The following NEBL variants were observed in gnomAD, a reference collection of about 807,000 sequenced individuals.
NEBL encodes the protein nebulette, also known as LIM and SH3 protein 2.
A neutral mutation model predicts 140.2 loss-of-function variants in NEBL; 122 were observed. The observed-to-expected ratio is 0.87, with a 90% CI of 0.75 to 1.01. The LOEUF (loss-of-function observed/expected upper bound fraction) is 1.01, where lower values mean the gene tolerates loss of function less well. Among genes scored for constraint, NEBL ranks in the 50% least tolerant of loss-of-function variants. The pLI, the probability that NEBL is intolerant of heterozygous loss-of-function variation, is 0.00. For synonymous variants in NEBL, 436 were observed against 398.9 expected (o/e 1.09, Z -1.11); for missense variants, 1,365 against 1,231.3 (o/e 1.11, Z -1.62).
intron 12 of NEBL, chr10:20,841,535 G>A (rs1265834256): frequency 1.3e-5 from 2 of 152,140 alleles, no homozygotes. Flanking sequence ...GGAATCTATG[G>A]CTCAACATTC....
intron 4 of NEBL, among the ~76,000 whole-genome samples, chr10:20,905,884 T>C (rs940566156): frequency 6.6e-6 from 1 of 152,164 alleles, no homozygotes; most frequent in African/African-American, 2.4e-5. Flanking sequence ...CACAAAAAGC[T>C]GAAGTCAGTT....
chr10:21,029,157 G>T, intron 2 of NEBL: 2 of 1,335,272 alleles, frequency 1.5e-6, no homozygotes, highest in Non-Finnish European at 2.1e-6. Context: ...ATGTTTCAAC[G>T]ATTTGACACA....
chr10:20,824,981 C>A (rs1029682038), intron 18 of NEBL, among the ~76,000 whole-genome samples: 3 of 152,184 alleles, frequency 2.0e-5, no homozygotes, highest in African/African-American at 4.8e-5. Flanking sequence ...CACAGGCTCT[C>A]ACCATGAAAG....
chr10:21,194,173 T>C (rs902221560), intron 3 of NEBL, among the ~76,000 whole-genome samples: 2 of 151,968 alleles, frequency 1.3e-5, no homozygotes, highest in Non-Finnish European at 2.9e-5. Flanking sequence ...GATTTCAATA[T>C]TTTACCAAGG....
At chr10:20,901,017 TA>T (rs1193528918), upstream of NEBL, among the ~76,000 whole-genome samples, 9 of 151,476 alleles carry the variant, frequency 5.9e-5, 1 homozygote, top group South Asian at 1.7e-3. Flanking sequence ...GACTCCCTCT[TA>T]AAAAAAATAA....
chr10:21,028,019 G>C (rs770827833), intron 2 of NEBL, among the ~76,000 whole-genome samples: 3 of 151,852 alleles, frequency 2.0e-5, no homozygotes, highest in Admixed American at 6.6e-5. Flanking sequence ...CTGAGGTCAG[G>C]AGTTCAAGAG....
intron 1 of NEBL, among the ~76,000 whole-genome samples, chr10:21,286,851 A>G (rs1344771607): frequency 2.0e-5 from 3 of 152,282 alleles, no homozygotes; most frequent in Admixed American, 1.3e-4. Flanking sequence ...AAAAAAAAAA[A>G]AAGCAGACTA....
chr10:20,823,299 A>C lies in NEBL; in HGVS notation c.1871T>G (p.Val624Gly). ...ATGTTTAATCTCTTCTTTGTATTTC[A>C]CCTGCATAATTTATAAGAATATAAC... is the stretch of plus-strand genomic sequence containing the variant. The part of the protein sequence containing the change: ...VKKNQQNISS[V>G]KYKEEIKHAT... The change falls in exon 19 of 28, where the codon GTG becomes GGG. Residue 624 changes from valine to glycine, a missense_variant and splice_region_variant. Physicochemically the swap from Val to Gly is moderately radical, Grantham distance 109 (BLOSUM62 -3). Coordinates refer to ENST00000377122, the MANE Select transcript of NEBL (RefSeq NM_006393.3). 1 of 1,596,642 alleles carries C rather than the reference A, an allele frequency of 6.3e-7. No individual in the cohort carries two copies. The highest frequency in any genetic ancestry group is 8.6e-7 in the Non-Finnish European group (1 of 1,167,864).
chr10:20,838,823 G>A lies in NEBL; in HGVS notation c.1338+1916C>T, dbSNP rs773589576. ...GTGAAAAGATTACCACTTGCTGAAGGATCAGATGATCATTAGCACTATTAT... is the reference window on the plus strand; with the variant it reads ...GTGAAAAGATTACCACTTGCTGAAGAATCAGATGATCATTAGCACTATTAT... On this transcript the variant is annotated intron_variant, in intron 13 of 27. Transcript: ENST00000377122. Among the ~76,000 whole-genome samples, 162 of 152,134 alleles carry A rather than the reference G, an allele frequency of 1.1e-3. 2 individuals are homozygous for A. Among genetic ancestry groups the A allele is most frequent in the Non-Finnish European group, 1.3e-3 (88 of 68,024 alleles).
chr10:21,185,912 G>C (rs553091804), intron 3 of NEBL, among the ~76,000 whole-genome samples: 1 of 152,178 alleles, frequency 6.6e-6, no homozygotes, highest in East Asian at 1.9e-4. Context: ...GCCTTTAGTA[G>C]ACTATTTTGA....
intron 5 of NEBL, among the ~76,000 whole-genome samples, chr10:20,876,050 C>T (rs1845468131): frequency 6.6e-6 from 1 of 152,256 alleles, no homozygotes; most frequent in Admixed American, 6.5e-5. Context: ...TGATGCTTAT[C>T]TTTGTCTAGG....
intron 4 of NEBL, among the ~76,000 whole-genome samples, chr10:20,942,079 A>G (rs1834901246): frequency 6.6e-6 from 1 of 152,222 alleles, no homozygotes. Context: ...ACAGAATTGG[A>G]AAAAACTACT....
chr10:21,234,919 T>G (rs551281703), intron 3 of NEBL, among the ~76,000 whole-genome samples: 1 of 152,136 alleles, frequency 6.6e-6, no homozygotes, highest in Admixed American at 6.5e-5. Flanking sequence ...CGGTGAGATA[T>G]AACCAACACC....
At chr10:21,125,016 A>C (rs1431604667) in intron 2 of NEBL, among the ~76,000 whole-genome samples, 3 of 151,614 alleles carry the variant, frequency 2.0e-5, no homozygotes, top group Non-Finnish European at 4.4e-5. Context: ...ACTGAAGTGC[A>C]GTGTTGAGAG....
At chr10:20,875,083 C>T (rs114662789) in intron 5 of NEBL, among the ~76,000 whole-genome samples, 1,908 of 152,268 alleles carry the variant, frequency 0.013, 20 homozygotes, top group Middle Eastern at 0.031. Context: ...TTGCTTCCAA[C>T]GAATATTTGA....
chr10:21,242,861 G>A (rs1248330469), intron 3 of NEBL, among the ~76,000 whole-genome samples: 1 of 152,282 alleles, frequency 6.6e-6, no homozygotes. Flanking sequence ...GGCAGAGTGA[G>A]CTATGAAATG....
intron 1 of NEBL, among the ~76,000 whole-genome samples, chr10:21,272,427 A>C (rs532677271): frequency 2.0e-5 from 3 of 152,054 alleles, no homozygotes; most frequent in Admixed American, 1.3e-4. Context: ...ATACAAAACC[A>C]AAAATTTTTG....
intron 2 of NEBL, among the ~76,000 whole-genome samples, chr10:21,039,879 C>G (rs1286742302): frequency 2.0e-5 from 3 of 152,092 alleles, no homozygotes; most frequent in African/African-American, 7.2e-5. Flanking sequence ...AAATACAGAC[C>G]TCACAGAAGC....
At chr10:21,112,139 G>A (rs1838043852) in intron 2 of NEBL, among the ~76,000 whole-genome samples, 1 of 152,208 alleles carries the variant, frequency 6.6e-6, no homozygotes, top group Non-Finnish European at 1.5e-5. Flanking sequence ...TACATGGTTG[G>A]TGGGAGTGTA....
Sources: allele counts gnomAD v4.1 joint callset (sites outside exome capture counted in the v4.1 genomes callset), GRCh38; gene constraint gnomAD v4.1.1; transcripts MANE v1.5; gene names NCBI Gene and HGNC (gene_info 2026-07-23, HGNC 2026-07-21).